RASA3: variants seen among roughly 807,000 people sequenced by gnomAD.
RASA3 encodes the protein RAS p21 protein activator 3.
RASA3 carries 73 observed loss-of-function variants against 110.0 expected under a neutral mutation model. The observed-to-expected ratio is 0.66, with a 90% CI of 0.55 to 0.81. RASA3 has a LOEUF of 0.81. Ranked by LOEUF, RASA3 falls within the 30% of genes least tolerant of loss-of-function variation. RASA3 has a pLI of 0.00. For missense variants in RASA3, 976 were observed against 1,113.2 expected, an observed-to-expected ratio of 0.88 and a Z score of 1.75; for synonymous variants, 500 against 451.4, an observed-to-expected ratio of 1.11 and a Z score of -1.37.
chr13:114,013,543 T>C (rs2053694096), intron 14 of RASA3, among the ~76,000 whole-genome samples: 1 of 142,928 alleles, frequency 7.0e-6, no homozygotes, highest in African/African-American at 2.7e-5. Context: ...TCTCTCTCCC[T>C]CTCTTTGTCC....
chr13:114,064,599 A>G (rs748007241), intron 2 of RASA3, among the ~76,000 whole-genome samples: 2 of 152,240 alleles, frequency 1.3e-5, no homozygotes, highest in Non-Finnish European at 2.9e-5. Context: ...TTCCAAAAGA[A>G]AAATGAAACC....
chr13:114,025,745 T>C (rs1283435166), intron 7 of RASA3, among the ~76,000 whole-genome samples: 1 of 152,268 alleles, frequency 6.6e-6, no homozygotes, highest in Non-Finnish European at 1.5e-5. Context: ...CTAGTTGTTA[T>C]CCTGGAAGAA....
At chr13:114,068,739 T>C (rs1046413686) in intron 2 of RASA3, among the ~76,000 whole-genome samples, 1 of 152,202 alleles carries the variant, frequency 6.6e-6, no homozygotes, top group Non-Finnish European at 1.5e-5. Context: ...TGATTAAAAA[T>C]GATTGCTCTA....
intron 13 of RASA3, among the ~76,000 whole-genome samples, 185 bp downstream of exon 13, chr13:114,016,012 G>A (rs951396250): frequency 2.0e-5 from 3 of 152,144 alleles, no homozygotes; most frequent in Non-Finnish European, 4.4e-5. Flanking sequence ...CAGGCCAAAG[G>A]TGGTGGCTGA....
At chr13:114,000,475 G>A (rs8000710) in intron 19 of RASA3, among the ~76,000 whole-genome samples, 3,598 of 152,306 alleles carry the variant, frequency 0.024, 137 homozygotes, top group African/African-American at 0.081. Flanking sequence ...GGGGCAGGAG[G>A]TGGTGGGAAG....
At chr13:114,049,618 G>C (rs565974302) in intron 3 of RASA3, among the ~76,000 whole-genome samples, 1 of 152,256 alleles carries the variant, frequency 6.6e-6, no homozygotes, top group Non-Finnish European at 1.5e-5. Flanking sequence ...GAGTATAAAC[G>C]GAGCTGGTGA....
At chr13:114,047,739 C>T (rs2079076072) in intron 3 of RASA3, among the ~76,000 whole-genome samples, 1 of 152,220 alleles carries the variant, frequency 6.6e-6, no homozygotes, top group Non-Finnish European at 1.5e-5. Context: ...AGCCGCACAG[C>T]GCGGGACCAG....
At chr13:114,117,872 AGCACGTGTGTGAGGGGT>A (rs2080314929) in intron 1 of RASA3, among the ~76,000 whole-genome samples, 2 of 117,500 alleles carry the variant, frequency 1.7e-5, no homozygotes, top group African/African-American at 3.4e-5. Flanking sequence ...TCTGTGGGTG[AGCACGTGTGTGAGGGGT>A]GCACGTGTGT....
intron 18 of RASA3, among the ~76,000 whole-genome samples, chr13:114,001,719 G>A (rs921617399): frequency 2.6e-5 from 4 of 151,680 alleles, no homozygotes; most frequent in Non-Finnish European, 5.9e-5. Flanking sequence ...CTGCGGCCGC[G>A]GGCTCGGGGT....
chr13:114,022,697 A>T (rs553711904), intron 8 of RASA3, among the ~76,000 whole-genome samples: 1 of 152,360 alleles, frequency 6.6e-6, no homozygotes, highest in East Asian at 1.9e-4. Context: ...TGGACACTTT[A>T]AAAAAATGTG....
At position 114,112,763 on chromosome 13, in the gene RASA3, G is replaced by A. The variant is rs7986934; in HGVS notation, c.55+19672C>T. Among the ~76,000 whole-genome samples the A allele has an allele frequency of 0.76, 115,113 of 151,766 alleles. 43,845 individuals are homozygous for A. Among genetic ancestry groups the A allele is most frequent in the East Asian group, 0.81 (4,167 of 5,116 alleles). ...CCCCGACTGCCAGCGTCCACTCCCC[G>A]TGGGGCCGCAGGGTACACCAACATC... On this transcript the variant is annotated intron_variant, in intron 1 of 23. Transcript: ENST00000334062. This position sits in a 1 kb window ranked among gnomAD's most constrained non-coding sequence, Gnocchi z 4.8.
chr13:114,061,676 C>CA (rs397963864), intron 2 of RASA3, among the ~76,000 whole-genome samples: 13,839 of 95,970 alleles, frequency 0.14, 1,114 homozygotes, highest in Admixed American at 0.32. Context: ...GACTCTGTCT[C>CA]AAAAAAAAAA....
chr13:114,031,207 G>A (rs994243757), intron 4 of RASA3, among the ~76,000 whole-genome samples: 5 of 151,534 alleles, frequency 3.3e-5, no homozygotes, highest in Non-Finnish European at 7.4e-5. Context: ...GTCTGTGTGG[G>A]CGTGCGATTG....
intron 14 of RASA3, among the ~76,000 whole-genome samples, chr13:114,013,933 TCC>T (rs549776593): frequency 2.0e-5 from 2 of 101,330 alleles, no homozygotes; most frequent in African/African-American, 3.8e-5. Context: ...CGTCTCTCTC[TCC>T]CTGTCTCTAT....
chr13:114,069,528 G>GA (rs1594417792), intron 2 of RASA3, among the ~76,000 whole-genome samples: 19 of 76,770 alleles, frequency 2.5e-4, no homozygotes, highest in Admixed American at 3.9e-4. Context: ...AGACACAGGG[G>GA]CCAGGAGACT....
At chr13:114,072,103 G>A (rs1230296983) in intron 2 of RASA3, among the ~76,000 whole-genome samples, 1 of 151,932 alleles carries the variant, frequency 6.6e-6, no homozygotes, top group Admixed American at 6.6e-5. Flanking sequence ...TAACCCAGCC[G>A]CCCCATGCTT....
intron 1 of RASA3, among the ~76,000 whole-genome samples, chr13:114,099,521 G>A (rs1008649502): frequency 1.3e-5 from 2 of 151,656 alleles, no homozygotes; most frequent in Non-Finnish European, 2.9e-5. Context: ...TGTTCACACA[G>A]CGCGTCTCCC....
At chr13:114,040,905 G>A (rs541648286) in intron 4 of RASA3, 95 bp downstream of exon 4, 268 of 1,190,376 alleles carry the variant, frequency 2.3e-4, no homozygotes, top group Non-Finnish European at 2.9e-4. Context: ...GCCGAAGCCC[G>A]ATCTACGTCT....
intron 18 of RASA3, among the ~76,000 whole-genome samples, 182 bp from the exon 19 acceptor site, chr13:114,001,114 G>A (rs58950405): frequency 0.32 from 48,427 of 152,192 alleles, 7,832 homozygotes; most frequent in East Asian, 0.41. Context: ...CCTTTGAAAA[G>A]TTGAGCGCTG....
Sources: allele counts gnomAD v4.1 joint callset (sites outside exome capture counted in the v4.1 genomes callset), GRCh38; gene constraint gnomAD v4.1.1; non-coding constraint Gnocchi (gnomAD v3.1); transcripts MANE v1.5; gene names NCBI Gene and HGNC (gene_info 2026-07-23, HGNC 2026-07-21).